Variants in FAM193A observed in about 807,000 individuals in gnomAD.
The protein encoded by FAM193A is protein FAM193A.
A neutral mutation model predicts 126.5 loss-of-function variants in FAM193A; 22 were observed. The observed-to-expected ratio is 0.17, with a 90% confidence interval of 0.12 to 0.25. FAM193A has a LOEUF of 0.25. Among genes scored for constraint, FAM193A ranks in the 10% least tolerant of loss-of-function variants. The pLI, the probability that FAM193A is intolerant of heterozygous loss-of-function variation, is 1.00. For synonymous variants in FAM193A, 761 were observed against 646.8 expected, an observed-to-expected ratio of 1.18 and a Z score of -2.68; for missense variants, 1,675 against 1,672.8, an observed-to-expected ratio of 1.00 and a Z score of -0.02.
At chr4:2,696,664 C>A in intron 18 of FAM193A, 71 bp downstream of exon 18, 1 of 1,230,880 alleles carries the variant, frequency 8.1e-7, no homozygotes, top group South Asian at 1.3e-5. Flanking sequence ...CCACGCCAGT[C>A]TCTAGGCAGG....
At chr4:2,670,434 A>T (rs910405026) in intron 12 of FAM193A, among the ~76,000 whole-genome samples, 4 of 151,886 alleles carry the variant, frequency 2.6e-5, no homozygotes, top group African/African-American at 9.7e-5. Flanking sequence ...CCGTTTGACT[A>T]TTTATTTCCT....
chr4:2,662,796 A>G, intron 10 of FAM193A, 42 bp from the exon 11 acceptor site: 1 of 1,546,342 alleles, frequency 6.5e-7, no homozygotes, highest in African/African-American at 1.4e-5. Flanking sequence ...ATTGTCTTTC[A>G]CAATTGAATG....
intron 15 of FAM193A, among the ~76,000 whole-genome samples, chr4:2,692,065 A>G (rs1716449477): frequency 6.6e-6 from 1 of 152,318 alleles, no homozygotes; most frequent in South Asian, 2.1e-4. Context: ...TAGGGTACTG[A>G]CAGATTACAG....
Position 2,732,076 on chromosome 4 carries a change from T to G in FAM193A, c.*208T>G. 1 of 583,910 alleles carries G rather than the reference T, an allele frequency of 1.7e-6. No homozygotes were observed. Among genetic ancestry groups the G allele is most frequent in the South Asian group, 1.9e-5 (1 of 51,374 alleles). 36.2% of individuals were successfully genotyped at this position (583,910 alleles called of 1,614,324 possible). On this transcript the variant is annotated 3_prime_UTR_variant, in exon 21 of 21. Transcript: ENST00000637812. Reference sequence around the variant, plus strand: ...AGTCTGTGCGTGAGACTCCTTCGATTGTAGCTCTGTGCTGTCGGATTGGAA... The same window carrying G: ...AGTCTGTGCGTGAGACTCCTTCGATGGTAGCTCTGTGCTGTCGGATTGGAA...
chr4:2,563,364 A>T (rs1234080648), intron 1 of FAM193A, among the ~76,000 whole-genome samples: 1 of 152,202 alleles, frequency 6.6e-6, no homozygotes. Flanking sequence ...ATGAGCACTC[A>T]GTCAGTACAT....
At chr4:2,725,317 C>G (rs894263030) in intron 20 of FAM193A, among the ~76,000 whole-genome samples, 1 of 151,892 alleles carries the variant, frequency 6.6e-6, no homozygotes, top group South Asian at 2.1e-4. Context: ...TGGTGGCACA[C>G]TACTGTAGTA....
At chr4:2,640,795 T>C (rs900179148) in intron 6 of FAM193A, among the ~76,000 whole-genome samples, 1 of 151,920 alleles carries the variant, frequency 6.6e-6, no homozygotes, top group African/African-American at 2.4e-5. Flanking sequence ...TAAAACCCCG[T>C]CTCTACTAAA....
intron 6 of FAM193A, among the ~76,000 whole-genome samples, chr4:2,642,581 A>T (rs904519774): frequency 6.6e-6 from 1 of 152,152 alleles, no homozygotes; most frequent in African/African-American, 2.4e-5. Flanking sequence ...TTTCATGAGA[A>T]GATATGCATC....
At chr4:2,562,609 C>G (rs1335264053) in intron 1 of FAM193A, among the ~76,000 whole-genome samples, 1 of 151,964 alleles carries the variant, frequency 6.6e-6, no homozygotes, top group African/African-American at 2.4e-5. Context: ...CACCCACCCC[C>G]CAACTTGATC....
intron 5 of FAM193A, among the ~76,000 whole-genome samples, chr4:2,638,582 A>G (rs761677181): frequency 3.3e-5 from 5 of 152,242 alleles, no homozygotes; most frequent in African/African-American, 4.8e-5. Context: ...CAGATGGCAT[A>G]GATTCATTGC....
At chr4:2,579,388 G>T (rs1218392930) in intron 1 of FAM193A, among the ~76,000 whole-genome samples, 2 of 151,254 alleles carry the variant, frequency 1.3e-5, no homozygotes, top group African/African-American at 4.9e-5. Context: ...AATCCTAGCA[G>T]TTACAAAGTG....
intron 12 of FAM193A, among the ~76,000 whole-genome samples, chr4:2,664,544 TC>T (rs1712865932): frequency 1.4e-5 from 2 of 145,436 alleles, no homozygotes; most frequent in South Asian, 2.2e-4. Context: ...CCTTTCTCTC[TC>T]TCTATTTTCT....
At chr4:2,537,343 C>T (rs909426843) in intron 1 of FAM193A, among the ~76,000 whole-genome samples, 173 bp downstream of exon 1, 2 of 152,156 alleles carry the variant, frequency 1.3e-5, no homozygotes, top group African/African-American at 4.8e-5. Flanking sequence ...GGCAGGGCGG[C>T]AGGTGGGCCG....
At chr4:2,694,158 C>G (rs1267746765) in intron 16 of FAM193A, among the ~76,000 whole-genome samples, 5 of 152,112 alleles carry the variant, frequency 3.3e-5, no homozygotes, top group African/African-American at 9.7e-5. Context: ...GTTTTTTACT[C>G]ATTGTATAAG....
At chr4:2,673,029 A>G (rs760633488) in intron 13 of FAM193A, among the ~76,000 whole-genome samples, 1 of 152,206 alleles carries the variant, frequency 6.6e-6, no homozygotes, top group Non-Finnish European at 1.5e-5. Flanking sequence ...CCTCATGTGT[A>G]TACTTAGTAT....
intron 20 of FAM193A, among the ~76,000 whole-genome samples, chr4:2,717,754 GAA>G (rs33968148): frequency 0.45 from 61,703 of 136,900 alleles, 13,508 homozygotes; most frequent in Admixed American, 0.6. Context: ...GACCCTGTCT[GAA>G]AAAAAAAAAA....
chr4:2,723,212 T>A (rs1720352435), intron 20 of FAM193A, among the ~76,000 whole-genome samples: 1 of 151,904 alleles, frequency 6.6e-6, no homozygotes, highest in African/African-American at 2.4e-5. Context: ...AGGCGGAAGT[T>A]GCAGTGAGCC....
chr4:2,672,213 T>C lies in FAM193A; in HGVS notation c.2172T>C (p.Pro724=). 1 of 1,614,254 alleles carries C rather than the reference T, an allele frequency of 6.2e-7. No individual in the cohort carries two copies. Among genetic ancestry groups the C allele is most frequent in the Non-Finnish European group, 8.5e-7 (1 of 1,180,048 alleles). Residue 724 remains proline, a synonymous_variant, in exon 13 of 21, where the codon CCT becomes CCC. Transcript: ENST00000637812. ...TPSAMTAGAL[P]PGHQFLSPEK... ...CTGCAATGACAGCCGGAGCCCTTCC[T>C]CCTGGCCATCAGTTCTTGAGCCCAG...
chr4:2,603,810 A>G (rs1378634527), intron 2 of FAM193A, among the ~76,000 whole-genome samples: 1 of 151,922 alleles, frequency 6.6e-6, no homozygotes, highest in African/African-American at 2.4e-5. Flanking sequence ...ATTTAGAAGT[A>G]CGTGTAAGTA....
Sources: gnomAD v4.1 joint callset for allele counts (sites outside exome capture counted in the v4.1 genomes callset) on GRCh38, gnomAD v4.1.1 for gene constraint, MANE v1.5 for transcripts, NCBI Gene and HGNC (gene_info 2026-07-23, HGNC 2026-07-21) for gene names.